CEP290: variants seen among roughly 807,000 people sequenced by gnomAD.
CEP290 encodes centrosomal protein of 290 kDa.
A neutral mutation model predicts 344.9 loss-of-function variants in CEP290; 317 were observed. The ratio of observed to expected loss-of-function variants is 0.92; its 90% CI spans 0.84 to 1.01. The LOEUF (loss-of-function observed/expected upper bound fraction) is 1.01, where lower values mean the gene tolerates loss of function less well. CEP290 is among the 50% of genes least tolerant of loss of function. The pLI is 0.00. For synonymous variants in CEP290, 932 were observed against 895.8 expected (o/e 1.04, Z -0.72); for missense variants, 2,754 against 2,761.4 (o/e 1.00, Z 0.06).
intron 49 of CEP290, 55 bp downstream of exon 49, chr12:88,058,793 A>C: frequency 6.4e-7 from 1 of 1,570,544 alleles, no homozygotes; most frequent in Non-Finnish European, 8.7e-7. Context: ...CTTTTAAAAC[A>C]ATGCCAAAAT....
At chr12:88,130,621 A>T in intron 7 of CEP290, 56 bp from the exon 8 acceptor site, 1 of 1,437,238 alleles carries the variant, frequency 7.0e-7, no homozygotes, top group Non-Finnish European at 9.2e-7. Context: ...ATACATAATT[A>T]AAAATAATAA....
At chr12:88,091,046 C>T (rs942248857) in intron 29 of CEP290, among the ~76,000 whole-genome samples, 4 of 152,166 alleles carry the variant, frequency 2.6e-5, no homozygotes, top group African/African-American at 7.2e-5. Context: ...ATAAAAAAAA[C>T]TTCATTCTCA....
intron 26 of CEP290, among the ~76,000 whole-genome samples, chr12:88,097,529 C>T (rs1047681623): frequency 1.3e-5 from 2 of 150,936 alleles, no homozygotes; most frequent in African/African-American, 4.9e-5. Context: ...TATAAATTAC[C>T]CAGTCTCAGG....
intron 49 of CEP290, among the ~76,000 whole-genome samples, chr12:88,056,759 T>G (rs1016720314): frequency 6.6e-6 from 1 of 152,166 alleles, no homozygotes; most frequent in Non-Finnish European, 1.5e-5. Context: ...ATAAAGCAAC[T>G]ATAAAGATGT....
chr12:88,054,481 C>T lies in CEP290; in HGVS notation c.6961-68G>A, dbSNP rs1039324240. Reference sequence around the variant, plus strand: ...AAATATGAGGATTTATAAAGATACACATTTTTAACAAAGCGTAATATTAAA... The same window carrying T: ...AAATATGAGGATTTATAAAGATACATATTTTTAACAAAGCGTAATATTAAA... On this transcript the variant is annotated intron_variant, in intron 50 of 53. Transcript: ENST00000552810. 5 of 1,191,410 alleles carry T rather than the reference C, an allele frequency of 4.2e-6. No individual in the cohort carries two copies. In the Admixed American group the frequency reaches 1.1e-4, roughly 25 times the overall value. 73.8% of individuals were successfully genotyped at this position (1,191,410 alleles called of 1,614,324 possible). A position where few individuals can be genotyped will look rare whatever the true frequency, so the allele number is the denominator to read the frequency against.
chr12:88,115,749 T>C, intron 18 of CEP290: 1 of 954,774 alleles, frequency 1.0e-6, no homozygotes, highest in Non-Finnish European at 1.2e-6. Flanking sequence ...AGAAATATAA[T>C]TTGGAGAAAA....
chr12:88,131,237 A>AT lies in CEP290; in HGVS notation c.442-20_442-19insA, dbSNP rs772322663. On this transcript the variant is annotated intron_variant, in intron 6 of 53. Transcript: ENST00000552810. The stretch of plus-strand genomic sequence containing the variant: ...GAGCCAACTAAAATAGTAAAAAAAA[A>AT]AAATAAATAAGAAGAAGATAAAATT... 4.5e-5 allele frequency: 65 copies of AT among 1,457,934 alleles called. No homozygotes were observed. Among genetic ancestry groups the AT allele is most frequent in the East Asian group, 3.2e-4 (12 of 37,366 alleles). 90.3% of individuals were successfully genotyped at this position (1,457,934 alleles called of 1,614,324 possible). A position where few individuals can be genotyped will look rare whatever the true frequency, so the allele number is the denominator to read the frequency against.
Position 88,059,958 on chromosome 12 carries a change from C to T in CEP290, c.6585G>A (p.Lys2195=). The change falls in exon 48 of 54, where the codon AAG becomes AAA. Residue 2195 remains lysine, a synonymous_variant. Coordinates refer to ENST00000552810, the MANE Select transcript of CEP290 (RefSeq NM_025114.4). ...GHQLSMHYES[K]TKGTEKIIAE... ...CAATAATTTTTTCTGTGCCTTTGGT[C>T]TTGGATTCATAGTGCATGCTCAACT... The T allele has an allele frequency of 6.3e-7, 1 of 1,590,336 alleles. No homozygotes were observed. The highest frequency in any genetic ancestry group is 1.8e-5 in the Admixed American group (1 of 56,402).
intron 52 of CEP290, among the ~76,000 whole-genome samples, chr12:88,050,976 A>G (rs1333448668): frequency 6.6e-6 from 1 of 152,148 alleles, no homozygotes; most frequent in Non-Finnish European, 1.5e-5. Context: ...ATAGCACAAA[A>G]GTTCTAATTT....
chr12:88,071,832 TC>T lies in CEP290; in HGVS notation c.5803del (p.Glu1935LysfsTer5), dbSNP rs766285443. 6.2e-7 allele frequency: 1 copy of T among 1,604,840 alleles called. No homozygotes were observed. The highest frequency in any genetic ancestry group is 1.1e-5 in the South Asian group (1 of 88,890). On this transcript the variant is annotated frameshift_variant, in exon 42 of 54. Coordinates refer to ENST00000552810, the MANE Select transcript of CEP290 (RefSeq NM_025114.4). LOFTEE classifies it high-confidence loss of function. ...CAACTGCTTTGTTAAAGTAAAGACT[TC>T]CCCCTCTTTCTCTTTTAACTTGTTT... ...IRNKLKEKEG[E>X]VFTLTKQLNT...
At chr12:88,056,649 T>C (rs1347143806) in intron 49 of CEP290, among the ~76,000 whole-genome samples, 1 of 152,148 alleles carries the variant, frequency 6.6e-6, no homozygotes, top group Non-Finnish European at 1.5e-5. Context: ...CCTCCTCTGA[T>C]CACCCTATCT....
intron 13 of CEP290, among the ~76,000 whole-genome samples, chr12:88,124,820 T>A (rs891097018): frequency 6.6e-6 from 1 of 152,056 alleles, no homozygotes; most frequent in African/African-American, 2.4e-5. Flanking sequence ...AAAGGTAATA[T>A]GGCTCAGGGT....
chr12:88,123,310 C>T (rs369000452), intron 13 of CEP290, among the ~76,000 whole-genome samples: 10 of 152,010 alleles, frequency 6.6e-5, no homozygotes, highest in African/African-American at 2.2e-4. Flanking sequence ...CTCAAGCTAC[C>T]ACCTTGTTTT....
At chr12:88,054,482 AT>A (rs1338290280) in intron 50 of CEP290, 69 bp from the exon 51 acceptor site, 3 of 1,190,292 alleles carry the variant, frequency 2.5e-6, no homozygotes, top group Admixed American at 2.1e-5. Context: ...AAAGATACAC[AT>A]TTTTAACAAA....
intron 13 of CEP290, among the ~76,000 whole-genome samples, chr12:88,122,380 G>A (rs1186583704): frequency 6.6e-6 from 1 of 152,028 alleles, no homozygotes; most frequent in African/African-American, 2.4e-5. Context: ...TTTTGGATGG[G>A]GCAGATGAAG....
chr12:88,115,913 G>A lies in CEP290; in HGVS notation c.1825-731C>T, dbSNP rs182187671. ...TATTTTTCAATATCTCTGTCTGTAA[G>A]GGTACTTCACTTTTTATTATATCTT... On this transcript the variant is annotated intron_variant, in intron 18 of 53. Coordinates refer to ENST00000552810, the MANE Select transcript of CEP290 (RefSeq NM_025114.4). 3.0e-6 allele frequency: 3 copies of A among 984,490 alleles called. No homozygotes were observed. In the African/African-American group the frequency reaches 5.2e-5, roughly 17 times the overall value. 61.0% of individuals were successfully genotyped at this position (984,490 alleles called of 1,614,324 possible).
chr12:88,053,672 C>T lies in CEP290; in HGVS notation c.7109G>A (p.Gly2370Glu), dbSNP rs1175026882. Residue 2370 changes from glycine (G) to glutamate (E), a missense_variant, in exon 52 of 54, where the codon GGA becomes GAA. By Grantham distance (98) the Gly-to-Glu change is moderately conservative. Transcript: ENST00000552810. The part of the protein sequence containing the change: ...HQIEANKDQS[G>E]AESTIPDADQ... ...ATTACCAGGTATGGTGCTTTCAGCT[C>T]CACTTTGGTCCTTGTTAGCTTCTAT... 2 of 1,539,188 alleles carry T rather than the reference C, an allele frequency of 1.3e-6. No individual in the cohort carries two copies. Among genetic ancestry groups the T allele is most frequent in the South Asian group, 1.2e-5 (1 of 80,530 alleles).
intron 6 of CEP290, among the ~76,000 whole-genome samples, chr12:88,133,105 T>C (rs1169350542): frequency 1.4e-5 from 2 of 145,038 alleles, no homozygotes; most frequent in African/African-American, 2.5e-5. Context: ...AGACAAACTC[T>C]AGTTTTGTTG....
chr12:88,125,265 AT>A lies in CEP290; in HGVS notation c.1169del (p.Asn390MetfsTer18). ...AAATACCTTTGTTTCTTTGGAGCTC[AT>A]TTTTCAAATCTTCAATAATACAAGT... is the stretch of plus-strand genomic sequence containing the variant. ...KNTCIIEDLKNELQRNKGAST... is the reference protein window; with the variant it reads ...KNTCIIEDLKXELQRNKGAST... On this transcript the variant is annotated frameshift_variant, in exon 13 of 54. Coordinates refer to ENST00000552810, the MANE Select transcript of CEP290 (RefSeq NM_025114.4). LOFTEE classifies it high-confidence loss of function. 3 of 916,524 alleles carry A rather than the reference AT, an allele frequency of 3.3e-6. No individual in the cohort carries two copies. The highest frequency in any genetic ancestry group is 3.2e-5 in the East Asian group (1 of 30,954). 56.8% of individuals were successfully genotyped at this position (916,524 alleles called of 1,614,324 possible). A position where few individuals can be genotyped will look rare whatever the true frequency, so the allele number is the denominator to read the frequency against.
Sources: gnomAD v4.1 joint callset for allele counts (sites outside exome capture counted in the v4.1 genomes callset) on GRCh38, gnomAD v4.1.1 for gene constraint, MANE v1.5 for transcripts, NCBI Gene and HGNC (gene_info 2026-07-23, HGNC 2026-07-21) for gene names.